The following AGO4 variants were observed in gnomAD, a reference collection of about 807,000 sequenced individuals.
AGO4 encodes protein argonaute-4.
AGO4 carries 33 observed loss-of-function variants against 104.7 expected under a neutral mutation model. The observed-to-expected ratio is 0.32, with a 90% CI of 0.24 to 0.42. AGO4 has a LOEUF of 0.42. Ranked by LOEUF, AGO4 falls within the 10% of genes least tolerant of loss-of-function variation. The pLI is 1.00. For synonymous variants in AGO4, 331 were observed against 364.7 expected (o/e 0.91, Z 1.05); for missense variants, 711 against 1,083.4 (o/e 0.66, Z 4.83).
At chr1:35,836,195 C>A (rs1333605727) in intron 13 of AGO4, among the ~76,000 whole-genome samples, 4 of 152,104 alleles carry the variant, frequency 2.6e-5, no homozygotes, top group Non-Finnish European at 5.9e-5. Context: ...AATAGATAAC[C>A]CCCAAAGGTG....
intron 2 of AGO4, among the ~76,000 whole-genome samples, chr1:35,819,915 C>T (rs1643854758): frequency 6.6e-6 from 1 of 151,754 alleles, no homozygotes; most frequent in Non-Finnish European, 1.5e-5. Context: ...AGCCATGAGA[C>T]TGGATGAGAT....
chr1:35,850,088 A>G (rs1032858723), intron 15 of AGO4, 69 bp from the exon 16 acceptor site: 2 of 1,086,646 alleles, frequency 1.8e-6, no homozygotes, highest in Non-Finnish European at 2.7e-6. Context: ...ATTAACACAC[A>G]AAAGAAAAAA....
At chr1:35,811,074 G>C (rs562769213) in intron 1 of AGO4, among the ~76,000 whole-genome samples, 1 of 152,018 alleles carries the variant, frequency 6.6e-6, no homozygotes, top group African/African-American at 2.4e-5. Flanking sequence ...GATGGCTTGA[G>C]CCTGCGAGGC....
chr1:35,818,520 A>C (rs1643784703), intron 2 of AGO4, among the ~76,000 whole-genome samples: 1 of 152,110 alleles, frequency 6.6e-6, no homozygotes, highest in Admixed American at 6.6e-5. Flanking sequence ...GCTACTTGGG[A>C]GGCTGAGGCA....
At chr1:35,810,681 A>C (rs931829808) in intron 1 of AGO4, among the ~76,000 whole-genome samples, 1 of 152,108 alleles carries the variant, frequency 6.6e-6, no homozygotes. Context: ...TAGGGTTTCA[A>C]AGGGTCAAGT....
chr1:35,836,611 A>G (rs1006266255), intron 13 of AGO4, among the ~76,000 whole-genome samples: 5 of 152,122 alleles, frequency 3.3e-5, no homozygotes, highest in Non-Finnish European at 5.9e-5. Flanking sequence ...GGGTTTCACC[A>G]TATTAGCCAG....
chr1:35,834,206 G>A, intron 12 of AGO4, 32 bp downstream of exon 12: 1 of 1,471,842 alleles, frequency 6.8e-7, no homozygotes. Context: ...AATGAGGGAT[G>A]ATTTCAAGCA....
chr1:35,842,208 C>G (rs538740229), intron 15 of AGO4, among the ~76,000 whole-genome samples: 1 of 152,226 alleles, frequency 6.6e-6, no homozygotes, highest in South Asian at 2.1e-4. Flanking sequence ...TGTTGGGAAC[C>G]AGGCTGCACA....
chr1:35,852,191 C>G (rs1331198039), intron 17 of AGO4, among the ~76,000 whole-genome samples: 2 of 152,042 alleles, frequency 1.3e-5, no homozygotes, highest in South Asian at 4.2e-4. Flanking sequence ...AAAGCAAGAC[C>G]GTGTTTGTTA....
chr1:35,853,553 C>T lies in AGO4; in HGVS notation c.2534C>T (p.Ala845Val), dbSNP rs1279115851. The stretch of plus-strand genomic sequence containing the variant: ...AACGGCCGGGATCCTCAGGCCTTGG[C>T]TAAGGCTGTGCAAATCCACCATGAT... ...QSNGRDPQALAKAVQIHHDTQ... is the reference protein window; with the variant it reads ...QSNGRDPQALVKAVQIHHDTQ... Residue 845 changes from alanine to valine, a missense_variant, in exon 18 of 18, where the codon GCT (alanine) becomes GTT (valine). This residue lies in a region of AGO4 where 401 missense variants were observed against 665.5 expected (regional missense o/e 0.60). Transcript: ENST00000373210. The T allele has an allele frequency of 1.2e-6, 2 of 1,613,984 alleles. No homozygotes were observed. The highest frequency in any genetic ancestry group is 1.7e-6 in the Non-Finnish European group (2 of 1,179,968).
rs896731234 is a variant in AGO4 at position 35,854,905 on chromosome 1, A to G, written c.*1300A>G. 1 of 152,604 alleles carries G rather than the reference A, an allele frequency of 6.6e-6. No homozygotes were observed. Among genetic ancestry groups the G allele is most frequent in the African/African-American group, 2.4e-5 (1 of 41,440 alleles). 9.5% of individuals were successfully genotyped at this position (152,604 alleles called of 1,614,324 possible). On this transcript the variant is annotated 3_prime_UTR_variant, in exon 18 of 18. Transcript: ENST00000373210. ...TACTTGGTGGGTTTTCCTTCCTTTT[A>G]TTAAACTAAAACTGTGTGGAAAAGG...
At chr1:35,836,222 C>T (rs1475337437) in intron 13 of AGO4, among the ~76,000 whole-genome samples, 2 of 152,292 alleles carry the variant, frequency 1.3e-5, no homozygotes, top group South Asian at 4.1e-4. Flanking sequence ...ATTCTGATGT[C>T]TATCACCTAT....
At chr1:35,842,301 A>C (rs1016504835) in intron 15 of AGO4, among the ~76,000 whole-genome samples, 1 of 152,018 alleles carries the variant, frequency 6.6e-6, no homozygotes, top group African/African-American at 2.4e-5. Flanking sequence ...GTTTCATCCC[A>C]AAACCATCTC....
At chr1:35,846,003 C>G (rs1415476248) in intron 15 of AGO4, among the ~76,000 whole-genome samples, 1 of 152,178 alleles carries the variant, frequency 6.6e-6, no homozygotes, top group Non-Finnish European at 1.5e-5. Flanking sequence ...TTTCAGGCCA[C>G]ATTTTATCAG....
At chr1:35,816,468 CTG>C (rs1643696684) in intron 1 of AGO4, among the ~76,000 whole-genome samples, 1 of 152,118 alleles carries the variant, frequency 6.6e-6, no homozygotes, top group Non-Finnish European at 1.5e-5. Flanking sequence ...ATCTCAATAA[CTG>C]TAGCCATCAT....
intron 15 of AGO4, among the ~76,000 whole-genome samples, chr1:35,842,382 T>C (rs1285275198): frequency 6.6e-6 from 1 of 152,214 alleles, no homozygotes; most frequent in African/African-American, 2.4e-5. Context: ...GCCAAAAAAG[T>C]TGAGGACTGC....
chr1:35,851,662 C>T (rs1421153489), intron 17 of AGO4, among the ~76,000 whole-genome samples: 1 of 152,186 alleles, frequency 6.6e-6, no homozygotes, highest in Non-Finnish European at 1.5e-5. Flanking sequence ...CTGGGCTCTT[C>T]CCCAAGTCTG....
intron 15 of AGO4, among the ~76,000 whole-genome samples, chr1:35,845,542 T>G (rs72659695): frequency 0.058 from 8,758 of 152,112 alleles, 309 homozygotes; most frequent in South Asian, 0.067. Context: ...TTTCTCCCTC[T>G]CTCCATTAAA....
rs1644304214 is a variant in AGO4 at position 35,836,013 on chromosome 1, C to T, written c.1724+20C>T. 6.2e-7 allele frequency: 1 copy of T among 1,604,918 alleles called. No homozygotes were observed. Among genetic ancestry groups the T allele is most frequent in the African/African-American group, 1.3e-5 (1 of 74,520 alleles). ...TCAAAGGTAAGATTCTGAATGCTTT[C>T]CCCACTTTTGTTTAAGATCTAACTT... On this transcript the variant is annotated intron_variant, in intron 13 of 17. Coordinates refer to ENST00000373210, the MANE Select transcript of AGO4 (RefSeq NM_017629.4).
Sources: allele counts gnomAD v4.1 joint callset (sites outside exome capture counted in the v4.1 genomes callset), GRCh38; gene constraint gnomAD v4.1.1; regional missense constraint gnomAD v4.1.1; transcripts MANE v1.5; gene names NCBI Gene and HGNC (gene_info 2026-07-23, HGNC 2026-07-21).